Variants in ZEB1 observed in about 807,000 individuals in gnomAD.
ZEB1 encodes zinc finger E-box-binding homeobox 1.
Under a neutral mutation model 84.9 loss-of-function variants are expected in ZEB1, and 21 were observed. That is an observed-to-expected ratio of 0.25 (90% CI 0.18 to 0.36). The LOEUF (loss-of-function observed/expected upper bound fraction) is 0.36, where lower values mean the gene tolerates loss of function less well. Among genes scored for constraint, ZEB1 ranks in the 10% least tolerant of loss-of-function variants. ZEB1 has a pLI of 1.00. For missense variants in ZEB1, 1,104 were observed against 1,330.2 expected (o/e 0.83, Z 2.65); for synonymous variants, 420 against 471.1 (o/e 0.89, Z 1.41).
chr10:31,355,160 A>G (rs1189996456), intron 1 of ZEB1: 1 of 152,148 alleles, frequency 6.6e-6, no homozygotes, highest in East Asian at 1.9e-4. Flanking sequence ...TTTAAGGAAG[A>G]CAGAGCAGGC....
At chr10:31,492,886 G>T (rs1220935662) in intron 2 of ZEB1, among the ~76,000 whole-genome samples, 1 of 151,726 alleles carries the variant, frequency 6.6e-6, no homozygotes, top group Non-Finnish European at 1.5e-5. Context: ...AGCTCTTTTG[G>T]TCTAAATTTG....
chr10:31,372,736 A>G (rs927543736), intron 1 of ZEB1, among the ~76,000 whole-genome samples: 5 of 152,068 alleles, frequency 3.3e-5, no homozygotes, highest in Non-Finnish European at 4.4e-5. Flanking sequence ...TTGTGACTCA[A>G]TAATTTATTA....
At chr10:31,412,015 G>GAT (rs2054387807) in intron 1 of ZEB1, among the ~76,000 whole-genome samples, 1 of 152,054 alleles carries the variant, frequency 6.6e-6, no homozygotes, top group Admixed American at 6.6e-5. Flanking sequence ...TAAACCACCT[G>GAT]ATATAGACTA....
At chr10:31,468,184 A>T (rs1399454187) in intron 2 of ZEB1, among the ~76,000 whole-genome samples, 1 of 152,032 alleles carries the variant, frequency 6.6e-6, no homozygotes, top group Admixed American at 6.6e-5. Context: ...GGCTCACCAG[A>T]CCCAGTCCCA....
intron 6 of ZEB1, among the ~76,000 whole-genome samples, chr10:31,517,400 A>G (rs917686131): frequency 6.6e-6 from 1 of 151,920 alleles, no homozygotes; most frequent in Non-Finnish European, 1.5e-5. Context: ...ACACCTGCAT[A>G]TGGCTGTGGT....
intron 2 of ZEB1, among the ~76,000 whole-genome samples, chr10:31,490,179 G>T (rs1013540390): frequency 1.3e-5 from 2 of 151,320 alleles, no homozygotes; most frequent in Non-Finnish European, 3.0e-5. Context: ...CTAGATTTGG[G>T]GGGTTAGGAG....
At chr10:31,436,120 C>T (rs1008055264) in intron 1 of ZEB1, among the ~76,000 whole-genome samples, 9 of 152,112 alleles carry the variant, frequency 5.9e-5, no homozygotes, top group East Asian at 3.8e-4. Flanking sequence ...TGTATGCAGT[C>T]GGGAGACCCT....
At chr10:31,508,674 T>C (rs1056682097) in intron 4 of ZEB1, among the ~76,000 whole-genome samples, 2 of 151,944 alleles carry the variant, frequency 1.3e-5, no homozygotes, top group Non-Finnish European at 2.9e-5. Flanking sequence ...TGTGTAGGCA[T>C]TGGCTATCAT....
At position 31,521,180 on chromosome 10, in the gene ZEB1, T is replaced by G. The variant is rs780575298; in HGVS notation, c.1848T>G (p.Ala616=). Residue 616 remains alanine (A), a synonymous_variant, in exon 7 of 9, where the codon GCT becomes GCG. Coordinates refer to ENST00000424869, the MANE Select transcript of ZEB1 (RefSeq NM_001174096.2). ...GTGCAGAAGAGCTCTCAAAAATTGC[T>G]GATTCAGTAAACCTACCACTGGATG... is the stretch of plus-strand genomic sequence containing the variant. ...QPSAEELSKI[A]DSVNLPLDVV... 3 of 1,614,080 alleles carry G rather than the reference T, an allele frequency of 1.9e-6. No homozygotes were observed. The highest frequency in any genetic ancestry group is 1.7e-6 in the Non-Finnish European group (2 of 1,180,018).
intron 1 of ZEB1, among the ~76,000 whole-genome samples, chr10:31,440,944 A>C (rs553724216): frequency 4.2e-4 from 64 of 152,268 alleles, no homozygotes; most frequent in Admixed American, 1.2e-3. Context: ...ATGCTCATGG[A>C]TAGGAAGAAT....
At chr10:31,499,871 G>A (rs545647311) in intron 3 of ZEB1, among the ~76,000 whole-genome samples, 6 of 151,910 alleles carry the variant, frequency 3.9e-5, no homozygotes, top group African/African-American at 1.2e-4. Context: ...TATGTAGATC[G>A]AATCTAATTT....
At chr10:31,512,181 A>G (rs2070189290) in intron 5 of ZEB1, among the ~76,000 whole-genome samples, 1 of 151,950 alleles carries the variant, frequency 6.6e-6, no homozygotes, top group Non-Finnish European at 1.5e-5. Context: ...GAAAGAGCCT[A>G]CTCACGTGAC....
intron 1 of ZEB1, among the ~76,000 whole-genome samples, chr10:31,328,946 A>G (rs968721491): frequency 1.3e-5 from 2 of 152,016 alleles, no homozygotes; most frequent in South Asian, 4.1e-4. Context: ...CTGTGTTCCT[A>G]TGGTATAGAT....
At chr10:31,407,497 G>A (rs1272675250) in intron 1 of ZEB1, among the ~76,000 whole-genome samples, 1 of 151,682 alleles carries the variant, frequency 6.6e-6, no homozygotes, top group African/African-American at 2.4e-5. Flanking sequence ...GTCTATCATT[G>A]TAGGACATTT....
chr10:31,380,721 T>C (rs1403508023), intron 1 of ZEB1, among the ~76,000 whole-genome samples: 1 of 152,210 alleles, frequency 6.6e-6, no homozygotes, highest in Non-Finnish European at 1.5e-5. Flanking sequence ...AAGCCTGGTG[T>C]CTTAAATATC....
chr10:31,410,742 T>C (rs2054079874), intron 1 of ZEB1, among the ~76,000 whole-genome samples: 1 of 152,222 alleles, frequency 6.6e-6, no homozygotes, highest in Non-Finnish European at 1.5e-5. Flanking sequence ...GGAGGGTATA[T>C]GTGTCCAGGA....
intron 1 of ZEB1, among the ~76,000 whole-genome samples, chr10:31,369,427 G>T (rs981659211): frequency 6.6e-6 from 1 of 152,020 alleles, no homozygotes; most frequent in Non-Finnish European, 1.5e-5. Flanking sequence ...AATCTTATTA[G>T]ATTCCACATG....
rs764661645 is a variant in ZEB1, at chr10:31,356,941, GTAAT to G, written c.58+37655_58+37658del. ...TACAGATTTTTATGTAAATTAGTTGGTAATTAATTTAGGTGTTTTTAAGATACTC... is the reference window on the plus strand; with the variant it reads ...TACAGATTTTTATGTAAATTAGTTGGTAATTTAGGTGTTTTTAAGATACTC... On this transcript the variant is annotated intron_variant, in intron 1 of 8. Transcript: ENST00000424869. 6.6e-4 allele frequency among the ~76,000 whole-genome samples: 101 copies of G among 152,200 alleles called. 1 individual carries two copies. The highest frequency in any genetic ancestry group is 1.3e-3 in the Non-Finnish European group (86 of 67,992).
At chr10:31,478,935 G>A (rs1043969845) in intron 2 of ZEB1, among the ~76,000 whole-genome samples, 1 of 151,926 alleles carries the variant, frequency 6.6e-6, no homozygotes, top group South Asian at 2.1e-4. Flanking sequence ...CTTGTTCACT[G>A]TTTGGATTAT....
Sources: allele counts gnomAD v4.1 joint callset (sites outside exome capture counted in the v4.1 genomes callset), GRCh38; gene constraint gnomAD v4.1.1; transcripts MANE v1.5; gene names NCBI Gene and HGNC (gene_info 2026-07-23, HGNC 2026-07-21).